The following TMLHE variants were observed in gnomAD, a reference collection of about 807,000 sequenced individuals.
TMLHE encodes the protein trimethyllysine hydroxylase, epsilon.
Under a neutral mutation model 25.7 loss-of-function variants are expected in TMLHE, and 18 were observed. The observed-to-expected ratio is 0.70, with a 90% CI of 0.48 to 1.04. TMLHE has a LOEUF of 1.04. Ranked by LOEUF, TMLHE falls within the 50% of genes least tolerant of loss-of-function variation. TMLHE has a pLI of 0.00. For missense variants in TMLHE, 236 were observed against 259.0 expected (o/e 0.91, Z 0.61); for synonymous variants, 105 against 97.0 (o/e 1.08, Z -0.49).
intron 1 of TMLHE, among the ~76,000 whole-genome samples, chrX:155,585,416 AACACACACACACAC>A (rs56160372): frequency 9.3e-5 from 9 of 96,633 alleles, no homozygotes; most frequent in Admixed American, 3.4e-4. Flanking sequence ...CACACACACA[AACACACACACACAC>A]ACACACACAC....
chrX:155,548,515 C>CTG (rs2067375532), intron 1 of TMLHE, among the ~76,000 whole-genome samples: 2 of 108,310 alleles, frequency 1.8e-5, no homozygotes, highest in African/African-American at 7.1e-5. Flanking sequence ...GCGGGCGGAT[C>CTG]ACAAGGTCAG....
chrX:155,545,320 A>G (rs782240557), intron 1 of TMLHE, 43 bp from the exon 2 acceptor site: 2 of 1,041,200 alleles, frequency 1.9e-6, no homozygotes, highest in East Asian at 6.1e-5. Context: ...ATATACAACA[A>G]CTTTTATGAG....
intron 1 of TMLHE, among the ~76,000 whole-genome samples, chrX:155,603,369 T>A (rs12396948): frequency 2.3e-4 from 23 of 99,277 alleles, no homozygotes; most frequent in Admixed American, 1.6e-3. Context: ...AAAGAAAGAA[T>A]GAAAGAAAGA....
At chrX:155,513,247 A>G (rs1431558597) in intron 4 of TMLHE, among the ~76,000 whole-genome samples, 5 of 111,733 alleles carry the variant, frequency 4.5e-5, no homozygotes, top group African/African-American at 1.6e-4. Context: ...ATACTATAGA[A>G]GATCAATCTA....
At chrX:155,532,315 T>C (rs2067253492) in intron 2 of TMLHE, among the ~76,000 whole-genome samples, 1 of 112,129 alleles carries the variant, frequency 8.9e-6, no homozygotes, top group Non-Finnish European at 1.9e-5. Context: ...AACATGCAGA[T>C]AGAAGGCAAC....
chrX:155,598,228 G>A (rs1472938365), intron 1 of TMLHE, among the ~76,000 whole-genome samples: 2 of 111,329 alleles, frequency 1.8e-5, no homozygotes, highest in East Asian at 5.6e-4. Context: ...ATGAAGCAGT[G>A]CCAGCTATAA....
chrX:155,604,153 T>C (rs2067773404), intron 1 of TMLHE, among the ~76,000 whole-genome samples: 1 of 103,058 alleles, frequency 9.7e-6, no homozygotes, highest in South Asian at 4.3e-4. Flanking sequence ...CTGCCCTACC[T>C]CGTGGCTGAA....
chrX:155,607,599 G>A (rs894592846), intron 1 of TMLHE, among the ~76,000 whole-genome samples: 3 of 111,208 alleles, frequency 2.7e-5, no homozygotes, highest in Non-Finnish European at 3.8e-5. Context: ...CATCCAAATA[G>A]GAAGAAAGGA....
chrX:155,529,408 C>A lies in TMLHE; in HGVS notation c.182-4776G>T, dbSNP rs200582142. Among the ~76,000 whole-genome samples the A allele has an allele frequency of 5.4e-5, 6 of 112,036 alleles. 1 individual carries two copies. In the East Asian group the frequency reaches 1.7e-3, roughly 31 times the overall value. ...GAAGTATTTATTATATTTTTAATTT[C>A]TTTAGTAACCTTCATACTGTTTTCC... On this transcript the variant is annotated intron_variant, in intron 2 of 7. Transcript: ENST00000334398.
chrX:155,530,048 A>T (rs1239987104), intron 2 of TMLHE, among the ~76,000 whole-genome samples: 1 of 111,838 alleles, frequency 8.9e-6, no homozygotes, highest in Non-Finnish European at 1.9e-5. Flanking sequence ...CAAAGGTCCA[A>T]TTTCATTCTT....
chrX:155,569,644 A>T (rs1603071032), intron 1 of TMLHE, among the ~76,000 whole-genome samples: 1 of 55,759 alleles, frequency 1.8e-5, no homozygotes, highest in Admixed American at 2.1e-4. Flanking sequence ...CTCTCGGCAG[A>T]AACCCTACAA....
chrX:155,549,560 C>A (rs909541224), intron 1 of TMLHE, among the ~76,000 whole-genome samples: 1 of 110,114 alleles, frequency 9.1e-6, no homozygotes, highest in Non-Finnish European at 1.9e-5. Context: ...CCTTGCATTT[C>A]TGGAATAAAC....
intron 4 of TMLHE, 107 bp from the exon 5 acceptor site, chrX:155,511,899 T>C: frequency 2.3e-6 from 2 of 856,085 alleles, no homozygotes; most frequent in Non-Finnish European, 3.1e-6. Flanking sequence ...TAACAGTAGA[T>C]TTTTTTGGTT....
rs782240506 is a variant in TMLHE at position 155,524,320 on chromosome X, CAA to C, written c.358+134_358+135del. 4.7e-5 allele frequency: 25 copies of C among 537,486 alleles called. No individual in the cohort carries two copies. The South Asian group carries it at 1.7e-3, about 36-fold the overall frequency. The allele number at this position is 537,486 out of a possible 1,213,427, so 44.3% of individuals were successfully genotyped here. ...ATTTGAAGAGAAAAATAAAATGTTTCAAAAAATCCTTCCAAAACAAGAAAAAA... is the reference window on the plus strand; with the variant it reads ...ATTTGAAGAGAAAAATAAAATGTTTCAAAATCCTTCCAAAACAAGAAAAAA... On this transcript the variant is annotated intron_variant, in intron 3 of 7. Transcript: ENST00000334398.
At chrX:155,587,331 A>G (rs186494315) in intron 1 of TMLHE, among the ~76,000 whole-genome samples, 1 of 111,812 alleles carries the variant, frequency 8.9e-6, no homozygotes, top group African/African-American at 3.2e-5. Flanking sequence ...CATGATAAAA[A>G]CTCTCAACAA....
intron 1 of TMLHE, among the ~76,000 whole-genome samples, chrX:155,550,281 T>C (rs1390773747): frequency 1.8e-5 from 2 of 110,803 alleles, no homozygotes; most frequent in Non-Finnish European, 3.8e-5. Context: ...CCATGATGCA[T>C]AGTCGCAATC....
chrX:155,523,480 A>G (rs1196933011), intron 3 of TMLHE, among the ~76,000 whole-genome samples: 2 of 111,249 alleles, frequency 1.8e-5, no homozygotes, highest in African/African-American at 3.3e-5. Flanking sequence ...TAAGTTGACT[A>G]TATTTCTGTG....
At chrX:155,554,230 T>A (rs2067433864) in intron 1 of TMLHE, among the ~76,000 whole-genome samples, 1 of 110,487 alleles carries the variant, frequency 9.1e-6, no homozygotes, top group Non-Finnish European at 1.9e-5. Flanking sequence ...ATATTTAACC[T>A]CCCCCCTGCA....
intron 1 of TMLHE, among the ~76,000 whole-genome samples, chrX:155,547,564 T>C (rs1557338995): frequency 1.8e-5 from 2 of 111,763 alleles, no homozygotes; most frequent in African/African-American, 3.3e-5. Context: ...TAACTACTAC[T>C]ATTTATAATA....
Sources: gnomAD v4.1 joint callset for allele counts (sites outside exome capture counted in the v4.1 genomes callset) on GRCh38, gnomAD v4.1.1 for gene constraint, MANE v1.5 for transcripts, NCBI Gene and HGNC (gene_info 2026-07-23, HGNC 2026-07-21) for gene names.